The following PPP3CA variants were observed in gnomAD, a reference collection of about 807,000 sequenced individuals.
PPP3CA encodes the protein CAM-PRP catalytic subunit.
Under a neutral mutation model 66.5 loss-of-function variants are expected in PPP3CA, and 14 were observed. The observed-to-expected ratio is 0.21, with a 90% CI of 0.14 to 0.33. The LOEUF (loss-of-function observed/expected upper bound fraction) is 0.33, where lower values mean the gene tolerates loss of function less well. Ranked by LOEUF, PPP3CA falls within the 10% of genes least tolerant of loss-of-function variation. The pLI is 1.00. For synonymous variants in PPP3CA, 232 were observed against 226.2 expected (o/e 1.03, Z -0.23); for missense variants, 317 against 639.5 (o/e 0.50, Z 5.44).
Position 101,336,072 on chromosome 4 carries a change from A to G in PPP3CA, c.58+10667T>C, listed in dbSNP as rs577783447. On this transcript the variant is annotated intron_variant, in intron 1 of 13. Transcript: ENST00000394854. Reference sequence around the variant, plus strand: ...ATACACACACACACAAAAATTAGCCAGGCATGGTGGCAAATGCCTGTAGTC... The same window carrying G: ...ATACACACACACACAAAAATTAGCCGGGCATGGTGGCAAATGCCTGTAGTC... Among the ~76,000 whole-genome samples the G allele has an allele frequency of 1.1e-3, 160 of 151,954 alleles. 2 individuals are homozygous for G. Among genetic ancestry groups the G allele is most frequent in the Non-Finnish European group, 2.2e-3 (148 of 67,944 alleles).
intron 2 of PPP3CA, among the ~76,000 whole-genome samples, chr4:101,160,898 T>C (rs535528161): frequency 2.7e-4 from 41 of 152,238 alleles, no homozygotes; most frequent in Admixed American, 2.1e-3. Context: ...TCTGAATCCT[T>C]GTTGAAGTTC....
chr4:101,308,566 C>A lies in PPP3CA; in HGVS notation c.58+38173G>T, dbSNP rs112351641. On this transcript the variant is annotated intron_variant, in intron 1 of 13. Transcript: ENST00000394854. The stretch of plus-strand genomic sequence containing the variant: ...GCTCAAGTGATCTTGCAGCTTCAGC[C>A]TCCCAAGTAGCTGGGATTACAGGCA... Among the ~76,000 whole-genome samples the A allele has an allele frequency of 7.5e-3, 1,136 of 152,162 alleles. 12 individuals are homozygous for A. The highest frequency in any genetic ancestry group is 0.026 in the African/African-American group (1,085 of 41,504).
At chr4:101,124,443 G>T (rs1400877391) in intron 2 of PPP3CA, among the ~76,000 whole-genome samples, 1 of 151,814 alleles carries the variant, frequency 6.6e-6, no homozygotes, top group Non-Finnish European at 1.5e-5. Context: ...GGCCAATATG[G>T]TGAAACTCCG....
intron 1 of PPP3CA, among the ~76,000 whole-genome samples, chr4:101,228,869 C>A (rs1188814986): frequency 4.6e-5 from 7 of 151,610 alleles, no homozygotes; most frequent in Non-Finnish European, 5.9e-5. Context: ...ACAAAGATAA[C>A]CTCCACCAGA....
At chr4:101,169,981 GT>G (rs1447448294) in intron 2 of PPP3CA, among the ~76,000 whole-genome samples, 1 of 152,112 alleles carries the variant, frequency 6.6e-6, no homozygotes, top group Non-Finnish European at 1.5e-5. Flanking sequence ...CAAGGCCCAA[GT>G]TTTTTGGCTC....
At position 101,332,157 on chromosome 4, in the gene PPP3CA, CA is replaced by C. The variant is rs368438213; in HGVS notation, c.58+14581del. On this transcript the variant is annotated intron_variant, in intron 1 of 13. Transcript: ENST00000394854. ...TAGGAAACACAGGAGAACAGACATC[CA>C]ACTGTATTTTCACCATACCCATCCA... is the stretch of plus-strand genomic sequence containing the variant. Among the ~76,000 whole-genome samples, 384 of 152,268 alleles carry C rather than the reference CA, an allele frequency of 2.5e-3. 4 individuals are homozygous for C. The highest frequency in any genetic ancestry group is 8.7e-3 in the African/African-American group (363 of 41,564).
At chr4:101,050,932 T>C (rs1727982013) in intron 10 of PPP3CA, among the ~76,000 whole-genome samples, 1 of 152,194 alleles carries the variant, frequency 6.6e-6, no homozygotes, top group Non-Finnish European at 1.5e-5. Context: ...TTATGTGATC[T>C]TGGTGAATAT....
rs762386324 is a variant in PPP3CA at position 101,196,050 on chromosome 4, C to T, written c.125G>A (p.Arg42His). Residue 42 changes from arginine to histidine, a missense_variant, in exon 2 of 14, where the codon CGT becomes CAT. Around this residue, in one of 3 missense-constraint regions of PPP3CA, gnomAD observed 76 missense variants for 99.5 expected, o/e 0.76. Transcript: ENST00000394854. ...KEVFDNDGKPRVDILKAHLMK... is the reference protein window; with the variant it reads ...KEVFDNDGKPHVDILKAHLMK... ...AAGATGCGCCTTTAAGATATCCACA[C>T]GAGGTTTTCCATCATTATCAAACAC... 19 of 1,613,866 alleles carry T rather than the reference C, an allele frequency of 1.2e-5. No homozygotes were observed. The highest frequency in any genetic ancestry group is 2.2e-5 in the South Asian group (2 of 91,072).
rs1308408448 is a variant in PPP3CA, at chr4:101,311,886, T to C, written c.58+34853A>G. Among the ~76,000 whole-genome samples, 7 of 152,126 alleles carry C rather than the reference T, an allele frequency of 4.6e-5. No individual in the cohort carries two copies. In the East Asian group the frequency reaches 1.4e-3, roughly 29 times the overall value. On this transcript the variant is annotated intron_variant, in intron 1 of 13. Coordinates refer to ENST00000394854, the MANE Select transcript of PPP3CA (RefSeq NM_000944.5). ...GTCCAAGCCATCCAATTTATTACCT[T>C]TTTTTTATCTCTTTCCACTCAAGGT...
At chr4:101,281,997 T>C (rs1228835359) in intron 1 of PPP3CA, among the ~76,000 whole-genome samples, 1 of 152,162 alleles carries the variant, frequency 6.6e-6, no homozygotes, top group Non-Finnish European at 1.5e-5. Context: ...GCTTTCCATA[T>C]CTACAAAAAT....
intron 2 of PPP3CA, among the ~76,000 whole-genome samples, chr4:101,159,079 T>A (rs1447843428): frequency 6.6e-6 from 1 of 152,178 alleles, no homozygotes; most frequent in African/African-American, 2.4e-5. Context: ...ACCTCCATTA[T>A]GCAGACGAGG....
chr4:101,036,403 C>A (rs907154739), intron 11 of PPP3CA, among the ~76,000 whole-genome samples: 8 of 126,470 alleles, frequency 6.3e-5, no homozygotes, highest in Admixed American at 4.7e-4. Flanking sequence ...GTCTACATTT[C>A]TTTTTCTTTC....
At chr4:101,168,547 T>G (rs1261419535) in intron 2 of PPP3CA, among the ~76,000 whole-genome samples, 2 of 152,116 alleles carry the variant, frequency 1.3e-5, no homozygotes, top group East Asian at 3.9e-4. Context: ...TGTGGGACAC[T>G]CTAAGAGGGA....
Position 101,089,807 on chromosome 4 carries a change from T to C in PPP3CA, c.782+3969A>G, listed in dbSNP as rs1257887173. ...CTAAGATTCTAAAGATAATGGTACA[T>C]TGGGGCAAAATCATAGATCTTATGG... On this transcript the variant is annotated intron_variant, in intron 6 of 13. Transcript: ENST00000394854. Among the ~76,000 whole-genome samples, 7 of 152,196 alleles carry C rather than the reference T, an allele frequency of 4.6e-5. No homozygotes were observed. The East Asian group carries it at 1.3e-3, about 29-fold the overall frequency.
At chr4:101,300,396 T>C (rs957050969) in intron 1 of PPP3CA, among the ~76,000 whole-genome samples, 1 of 152,136 alleles carries the variant, frequency 6.6e-6, no homozygotes, top group African/African-American at 2.4e-5. Flanking sequence ...AGGACAAATA[T>C]CACATCAAAA....
In PPP3CA at chr4:101,240,580, A is replaced by G. The variant is rs144669356; in HGVS notation, c.59-44464T>C. The stretch of plus-strand genomic sequence containing the variant: ...AGGCTGGGAAATCAGATACGCAAAC[A>G]GGAAAAAATAAAAAGAGAAAGCAGG... On this transcript the variant is annotated intron_variant, in intron 1 of 13. Transcript: ENST00000394854. 7.3e-3 allele frequency among the ~76,000 whole-genome samples: 1,109 copies of G among 152,246 alleles called. 11 individuals carry two copies. The highest frequency in any genetic ancestry group is 0.026 in the African/African-American group (1,060 of 41,552).
chr4:101,195,173 CAGG>C (rs1273139667), intron 2 of PPP3CA, among the ~76,000 whole-genome samples: 3 of 148,994 alleles, frequency 2.0e-5, no homozygotes, highest in Non-Finnish European at 4.4e-5. Flanking sequence ...GAGGTGGAGG[CAGG>C]AGAATTGCTT....
intron 1 of PPP3CA, among the ~76,000 whole-genome samples, chr4:101,254,290 A>C (rs1726771246): frequency 6.6e-6 from 1 of 152,064 alleles, no homozygotes; most frequent in African/African-American, 2.4e-5. Flanking sequence ...GCACTTGATG[A>C]ATAATGAAAG....
intron 6 of PPP3CA, among the ~76,000 whole-genome samples, chr4:101,089,708 C>T (rs1447865110): frequency 6.6e-6 from 1 of 152,190 alleles, no homozygotes; most frequent in Non-Finnish European, 1.5e-5. Flanking sequence ...CAGAATCTAA[C>T]ACTTGCCCTG....
Sources: gnomAD v4.1 joint callset for allele counts (sites outside exome capture counted in the v4.1 genomes callset) on GRCh38, gnomAD v4.1.1 for gene constraint, gnomAD v4.1.1 regional missense constraint, MANE v1.5 for transcripts, NCBI Gene and HGNC (gene_info 2026-07-23, HGNC 2026-07-21) for gene names.